Variants in PEAK1 observed in about 807,000 individuals in gnomAD.
PEAK1 encodes inactive tyrosine-protein kinase PEAK1.
PEAK1 carries 54 observed loss-of-function variants against 124.7 expected under a neutral mutation model. The observed-to-expected ratio is 0.43, with a 90% CI of 0.35 to 0.54. The LOEUF is 0.54. Ranked by LOEUF, PEAK1 falls within the 20% of genes least tolerant of loss-of-function variation. PEAK1 has a pLI of 0.01. For missense variants in PEAK1, 2,046 were observed against 2,134.5 expected, an observed-to-expected ratio of 0.96 and a Z score of 0.82; for synonymous variants, 719 against 760.0, an observed-to-expected ratio of 0.95 and a Z score of 0.89.
At chr15:77,153,813 C>A (rs953527812) in intron 8 of PEAK1, among the ~76,000 whole-genome samples, 10 of 152,148 alleles carry the variant, frequency 6.6e-5, no homozygotes, top group Admixed American at 3.9e-4. Flanking sequence ...ATTTCTTAAT[C>A]CTGAGTTCTA....
Position 77,114,444 on chromosome 15 carries a change from A to G in PEAK1, c.4953T>C (p.Ser1651=), listed in dbSNP as rs930591702. The G allele has an allele frequency of 1.9e-6, 3 of 1,614,050 alleles. No individual in the cohort carries two copies. The highest frequency in any genetic ancestry group is 1.7e-5 in the Admixed American group (1 of 60,000). The change falls in exon 10 of 10, where the codon TCT becomes TCC. Residue 1651 remains serine (S), a synonymous_variant. Coordinates refer to ENST00000682557, the MANE Select transcript of PEAK1 (RefSeq NM_001385026.1). ...LASCLLNPNP[S]ERILISDAKG... ...TGGCGTCTGAAATGAGGATCCGCTC[A>G]GAAGGGTTGGGATTCAGGAGGCAGC...
intron 6 of PEAK1, among the ~76,000 whole-genome samples, chr15:77,199,756 A>G (rs1020523630): frequency 6.6e-5 from 10 of 152,198 alleles, no homozygotes; most frequent in African/African-American, 2.2e-4. Context: ...AATTTACGGA[A>G]GATGACTTGA....
intron 6 of PEAK1, among the ~76,000 whole-genome samples, chr15:77,216,865 T>C (rs62008411): frequency 0.013 from 1,952 of 152,238 alleles, 26 homozygotes; most frequent in Non-Finnish European, 0.017. Flanking sequence ...TTTAAACAAG[T>C]AGGATTGAGA....
intron 8 of PEAK1, among the ~76,000 whole-genome samples, chr15:77,136,507 A>T (rs979086033): frequency 2.0e-5 from 3 of 151,974 alleles, no homozygotes; most frequent in Admixed American, 6.5e-5. Context: ...CTCTACTAAA[A>T]ATACAAAAAT....
At chr15:77,400,030 A>G (rs538397458) in intron 1 of PEAK1, among the ~76,000 whole-genome samples, 34 of 152,340 alleles carry the variant, frequency 2.2e-4, no homozygotes, top group Non-Finnish European at 1.5e-5. Flanking sequence ...TTCTCAAAAG[A>G]CATGCAAATG....
rs76314842 is a variant in PEAK1 at position 77,310,861 on chromosome 15, A to G, written c.-602-24357T>C. Among the ~76,000 whole-genome samples the G allele has an allele frequency of 2.6e-3, 391 of 152,344 alleles. 14 individuals carry two copies. The East Asian group carries it at 0.067, about 26-fold the overall frequency. On this transcript the variant is annotated intron_variant, in intron 2 of 9. Transcript: ENST00000682557. ...TACCACATGCAAAGGTTCTGAGATG[A>G]CAGGGAGCATAGTATGTTTAAAGAA...
chr15:77,323,554 T>C (rs2153021769), intron 2 of PEAK1, among the ~76,000 whole-genome samples: 1 of 152,088 alleles, frequency 6.6e-6, no homozygotes, highest in Non-Finnish European at 1.5e-5. Context: ...GAGAATAAAA[T>C]ACCTAGGAAT....
chr15:77,128,000 AC>A (rs1214070970), intron 9 of PEAK1, among the ~76,000 whole-genome samples: 1 of 151,542 alleles, frequency 6.6e-6, no homozygotes, highest in Non-Finnish European at 1.5e-5. Context: ...AATGACTTGA[AC>A]CTGGAAGGTG....
chr15:77,327,716 G>A (rs2065662012), intron 2 of PEAK1, among the ~76,000 whole-genome samples: 1 of 151,526 alleles, frequency 6.6e-6, no homozygotes, highest in South Asian at 2.1e-4. Flanking sequence ...TGTAAAAAAA[G>A]AAAATCCATA....
intron 5 of PEAK1, among the ~76,000 whole-genome samples, chr15:77,265,532 A>C (rs935749061): frequency 2.5e-4 from 38 of 152,372 alleles, no homozygotes; most frequent in African/African-American, 8.7e-4. Context: ...CCATCAGAGA[A>C]ATGCAAATCC....
chr15:77,142,905 T>G (rs1171451985), intron 8 of PEAK1, among the ~76,000 whole-genome samples: 1 of 152,196 alleles, frequency 6.6e-6, no homozygotes, highest in Non-Finnish European at 1.5e-5. Flanking sequence ...TAGACATTAG[T>G]GATGCTTGCA....
At chr15:77,160,513 T>C (rs2055541128) in intron 7 of PEAK1, among the ~76,000 whole-genome samples, 2 of 151,098 alleles carry the variant, frequency 1.3e-5, no homozygotes, top group South Asian at 2.1e-4. Context: ...CTGTCTCTAC[T>C]AAAAACACAA....
At chr15:77,186,727 G>A (rs1276778840) in intron 6 of PEAK1, among the ~76,000 whole-genome samples, 2 of 152,146 alleles carry the variant, frequency 1.3e-5, no homozygotes, top group African/African-American at 2.4e-5. Context: ...TAACCACGAG[G>A]GCTTCATTTT....
At chr15:77,141,658 G>T (rs1250352721) in intron 8 of PEAK1, among the ~76,000 whole-genome samples, 1 of 152,098 alleles carries the variant, frequency 6.6e-6, no homozygotes, top group Non-Finnish European at 1.5e-5. Flanking sequence ...AAGAGTACGT[G>T]GTACTGGCGT....
At chr15:77,392,997 T>C (rs1880039749) in intron 1 of PEAK1, among the ~76,000 whole-genome samples, 1 of 152,134 alleles carries the variant, frequency 6.6e-6, no homozygotes, top group African/African-American at 2.4e-5. Flanking sequence ...GACTTTCCAT[T>C]GGACCTCAGT....
chr15:77,187,023 A>G (rs1287648809), intron 6 of PEAK1, among the ~76,000 whole-genome samples: 1 of 152,216 alleles, frequency 6.6e-6, no homozygotes, highest in Non-Finnish European at 1.5e-5. Context: ...AGGAAATAAA[A>G]CAGTCTATCC....
intron 9 of PEAK1, among the ~76,000 whole-genome samples, chr15:77,126,676 T>G (rs2052402630): frequency 6.6e-6 from 1 of 152,184 alleles, no homozygotes; most frequent in South Asian, 2.1e-4. Flanking sequence ...AGTAGGGCAG[T>G]TAATATACAC....
At position 77,417,896 on chromosome 15, in the gene PEAK1, G is replaced by A. The variant is rs900805203; in HGVS notation, c.-666+2110C>T. ...GGCACTGCTAGATGTTGAAAAACAT[G>A]TATGCAAATAAGCAAATAAAAGTTT... On this transcript the variant is annotated intron_variant, in intron 1 of 9. Transcript: ENST00000682557. 21 of 983,690 alleles carry A rather than the reference G, an allele frequency of 2.1e-5. No individual in the cohort carries two copies. The African/African-American group carries it at 3.5e-4, about 16-fold the overall frequency. The allele number at this position is 983,690 out of a possible 1,614,324, so 60.9% of individuals were successfully genotyped here. A position where few individuals can be genotyped will look rare whatever the true frequency, so the allele number is the denominator to read the frequency against.
chr15:77,269,824 A>G (rs569410462), intron 5 of PEAK1, among the ~76,000 whole-genome samples: 3 of 152,216 alleles, frequency 2.0e-5, no homozygotes, highest in Non-Finnish European at 4.4e-5. Flanking sequence ...AATCAACTCC[A>G]TCTACACACT....
Sources: allele counts gnomAD v4.1 joint callset (sites outside exome capture counted in the v4.1 genomes callset), GRCh38; gene constraint gnomAD v4.1.1; transcripts MANE v1.5; gene names NCBI Gene and HGNC (gene_info 2026-07-23, HGNC 2026-07-21).